Variants in UBE3A observed in about 807,000 individuals in gnomAD.
UBE3A encodes the protein ubiquitin-protein ligase E3A.
A neutral mutation model predicts 83.4 loss-of-function variants in UBE3A; 6 were observed. The observed-to-expected ratio is 0.07, with a 90% confidence interval of 0.04 to 0.14. UBE3A has a LOEUF of 0.14. UBE3A is among the 10% of genes least tolerant of loss of function. The pLI is 1.00. For synonymous variants in UBE3A, 337 were observed against 355.4 expected, an observed-to-expected ratio of 0.95 and a Z score of 0.58; for missense variants, 456 against 1,036.1, an observed-to-expected ratio of 0.44 and a Z score of 7.69.
intron 4 of UBE3A, among the ~76,000 whole-genome samples, chr15:25,376,612 A>T (rs1042182658): frequency 2.0e-5 from 3 of 152,196 alleles, no homozygotes; most frequent in African/African-American, 7.2e-5. Context: ...ACTGCACTCC[A>T]GCCTGGGCAA....
intron 6 of UBE3A, among the ~76,000 whole-genome samples, chr15:25,360,884 A>G (rs2077960413): frequency 6.6e-6 from 1 of 152,208 alleles, no homozygotes; most frequent in Non-Finnish European, 1.5e-5. Flanking sequence ...GTAGAGGTCT[A>G]ACCTCAAAAT....
intron 4 of UBE3A, among the ~76,000 whole-genome samples, chr15:25,396,445 A>C (rs1567057108): frequency 1.3e-5 from 2 of 151,756 alleles, no homozygotes; most frequent in African/African-American, 4.8e-5. Context: ...GTCTCTACAA[A>C]AAACAAACAA....
chr15:25,355,747 A>G, intron 9 of UBE3A, 145 bp downstream of exon 9: 1 of 825,330 alleles, frequency 1.2e-6, no homozygotes, highest in Non-Finnish European at 1.9e-6. Context: ...AAGATTTAGA[A>G]AAGTGGACTC....
At position 25,333,941 on chromosome 15, in the gene UBE3A, T is replaced by C. The variant is rs1331070899; in HGVS notation, c.*5196A>G. 1.3e-5 allele frequency: 2 copies of C among 151,536 alleles called. No individual in the cohort carries two copies. The highest frequency in any genetic ancestry group is 2.4e-5 in the African/African-American group (1 of 41,238). 9.4% of individuals were successfully genotyped at this position (151,536 alleles called of 1,614,324 possible). On this transcript the variant is annotated 3_prime_UTR_variant, in exon 13 of 13. Coordinates refer to ENST00000648336, the MANE Select transcript of UBE3A (RefSeq NM_130839.5). The stretch of plus-strand genomic sequence containing the variant: ...AAAACACTCAGTAAACTAGGTTTAA[T>C]AAAAGAATTTCCTCAACTTGAAGCA...
intron 4 of UBE3A, among the ~76,000 whole-genome samples, chr15:25,399,292 T>C (rs555608913): frequency 5.8e-4 from 89 of 152,314 alleles, no homozygotes; most frequent in Non-Finnish European, 9.9e-4. Context: ...ACCAATGTCA[T>C]GTACATTTCT....
intron 1 of UBE3A, among the ~76,000 whole-genome samples, chr15:25,433,246 T>C (rs1005013732): frequency 2.0e-5 from 3 of 151,046 alleles, no homozygotes; most frequent in Non-Finnish European, 4.4e-5. Context: ...GGCAGTAGCA[T>C]GATCTTGGCT....
At chr15:25,384,667 C>T (rs562153275) in intron 4 of UBE3A, among the ~76,000 whole-genome samples, 44 of 151,586 alleles carry the variant, frequency 2.9e-4, no homozygotes, top group African/African-American at 1.0e-3. Flanking sequence ...AAAAAAAAAT[C>T]TTAAAATTAA....
intron 4 of UBE3A, among the ~76,000 whole-genome samples, chr15:25,384,919 T>C (rs769387848): frequency 1.3e-5 from 2 of 152,178 alleles, no homozygotes; most frequent in Admixed American, 6.5e-5. Flanking sequence ...AAGAATGAAG[T>C]TGGAGCCTTA....
chr15:25,369,377 A>G (rs557360425), intron 6 of UBE3A, among the ~76,000 whole-genome samples: 1 of 144,410 alleles, frequency 6.9e-6, no homozygotes, highest in Admixed American at 6.7e-5. Context: ...CCAGTAACAA[A>G]AAAAAAAAAA....
At chr15:25,353,593 C>T (rs946831103) in intron 11 of UBE3A, among the ~76,000 whole-genome samples, 1 of 152,160 alleles carries the variant, frequency 6.6e-6, no homozygotes, top group Non-Finnish European at 1.5e-5. Context: ...ATAAAAATAA[C>T]ATTTATTGCT....
intron 7 of UBE3A, 80 bp from the exon 8 acceptor site, chr15:25,356,976 AT>A (rs2077300829): frequency 8.7e-7 from 1 of 1,155,938 alleles, no homozygotes; most frequent in Admixed American, 1.9e-5. Context: ...TAAACTTAAA[AT>A]AATTATGCAT....
intron 6 of UBE3A, among the ~76,000 whole-genome samples, chr15:25,364,766 C>A (rs2078791633): frequency 6.6e-6 from 1 of 151,794 alleles, no homozygotes; most frequent in African/African-American, 2.4e-5. Context: ...GCCTCAGCCT[C>A]CCGAGTAGCT....
chr15:25,353,067 T>C (rs2076737578), intron 11 of UBE3A, among the ~76,000 whole-genome samples: 1 of 152,204 alleles, frequency 6.6e-6, no homozygotes, highest in African/African-American at 2.4e-5. Context: ...AGAAATTATA[T>C]CTATGATCAA....
At chr15:25,369,243 A>G (rs1430995420) in intron 6 of UBE3A, among the ~76,000 whole-genome samples, 1 of 152,092 alleles carries the variant, frequency 6.6e-6, no homozygotes, top group Admixed American at 6.6e-5. Context: ...GCAAGCAATA[A>G]TAATGACTTC....
chr15:25,402,126 G>A (rs970239849), intron 4 of UBE3A, among the ~76,000 whole-genome samples: 2 of 152,166 alleles, frequency 1.3e-5, no homozygotes, highest in African/African-American at 4.8e-5. Flanking sequence ...CTGTAGTCAT[G>A]TGTTGGCACC....
At chr15:25,366,344 T>A (rs1224375950) in intron 6 of UBE3A, among the ~76,000 whole-genome samples, 1 of 152,196 alleles carries the variant, frequency 6.6e-6, no homozygotes, top group Non-Finnish European at 1.5e-5. Context: ...AGAATTACGT[T>A]CATGTTTCAC....
At chr15:25,376,643 A>C (rs1393030237) in intron 4 of UBE3A, among the ~76,000 whole-genome samples, 2 of 152,162 alleles carry the variant, frequency 1.3e-5, no homozygotes, top group African/African-American at 4.8e-5. Context: ...CTTTGTCTCA[A>C]AAACAAACAA....
chr15:25,391,271 T>C (rs967830393), intron 4 of UBE3A, among the ~76,000 whole-genome samples: 13 of 152,196 alleles, frequency 8.5e-5, no homozygotes, highest in Admixed American at 2.6e-4. Context: ...ATGATTCCAC[T>C]GACATGAAGT....
intron 6 of UBE3A, among the ~76,000 whole-genome samples, chr15:25,367,224 CATATTTGTAAATATGTAAATATTT>C (rs2079365610): frequency 3.7e-5 from 3 of 81,320 alleles, no homozygotes; most frequent in African/African-American, 1.9e-4. Flanking sequence ...TAAATATTTA[CATATTTGTAAATATGTAAATATTT>C]GCATATTTGT....
Sources: allele counts gnomAD v4.1 joint callset (sites outside exome capture counted in the v4.1 genomes callset), GRCh38; gene constraint gnomAD v4.1.1; transcripts MANE v1.5; gene names NCBI Gene and HGNC (gene_info 2026-07-23, HGNC 2026-07-21).